Variants in ZSWIM9 observed in about 807,000 individuals in gnomAD.
The protein encoded by ZSWIM9 is uncharacterized protein ZSWIM9.
Under a neutral mutation model 25.0 loss-of-function variants are expected in ZSWIM9, and 11 were observed. The ratio of observed to expected loss-of-function variants is 0.44; its 90% CI spans 0.28 to 0.73. The LOEUF (loss-of-function observed/expected upper bound fraction) is 0.73, where lower values mean the gene tolerates loss of function less well. ZSWIM9 is among the 30% of genes least tolerant of loss of function. ZSWIM9 has a pLI of 0.16. For synonymous variants in ZSWIM9, 562 were observed against 582.1 expected, an observed-to-expected ratio of 0.97 and a Z score of 0.50; for missense variants, 1,070 against 1,296.5, an observed-to-expected ratio of 0.83 and a Z score of 2.68.
intron 2 of ZSWIM9, among the ~76,000 whole-genome samples, chr19:48,173,856 G>A (rs774812776): frequency 2.0e-5 from 3 of 152,096 alleles, no homozygotes; most frequent in African/African-American, 7.2e-5. Context: ...TTGAACTCCC[G>A]ACCTCAGGTG....
chr19:48,189,697 G>A (rs552474371), intron 3 of ZSWIM9: 1 of 154,402 alleles, frequency 6.5e-6, no homozygotes, highest in Non-Finnish European at 1.5e-5. Flanking sequence ...ATAAAATAGA[G>A]CAAATAAGAA....
chr19:48,176,992 T>G (rs145593860), intron 2 of ZSWIM9, among the ~76,000 whole-genome samples: 2,126 of 151,966 alleles, frequency 0.014, 148 homozygotes, highest in Admixed American at 0.11. Flanking sequence ...GGAGAATTGC[T>G]TGATCCTGGG....
chr19:48,197,081 A>G lies in ZSWIM9; in HGVS notation c.*254A>G, dbSNP rs1027499521. On this transcript the variant is annotated 3_prime_UTR_variant, in exon 4 of 4. Coordinates refer to ENST00000614654, the MANE Select transcript of ZSWIM9 (RefSeq NM_199341.4). ...GGATTCTGAGGGCTTCCCTCTGGAG[A>G]GGAAGCATGTGATGAGAGGTGTAGA... is the stretch of plus-strand genomic sequence containing the variant. 9 of 566,490 alleles carry G rather than the reference A, an allele frequency of 1.6e-5. No homozygotes were observed. Among genetic ancestry groups the G allele is most frequent in the Non-Finnish European group, 2.8e-5 (9 of 319,028 alleles). The allele number at this position is 566,490 out of a possible 1,614,324, so 35.1% of individuals were successfully genotyped here. A position where few individuals can be genotyped will look rare whatever the true frequency, so the allele number is the denominator to read the frequency against.
chr19:48,197,064 A>G lies in ZSWIM9; in HGVS notation c.*237A>G. ...GTGTTGATGGGCAGGGTGGATTCTG[A>G]GGGCTTCCCTCTGGAGAGGAAGCAT... On this transcript the variant is annotated 3_prime_UTR_variant, in exon 4 of 4. Coordinates refer to ENST00000614654, the MANE Select transcript of ZSWIM9 (RefSeq NM_199341.4). The G allele has an allele frequency of 1.8e-6, 1 of 545,500 alleles. No homozygotes were observed. Among genetic ancestry groups the G allele is most frequent in the South Asian group, 2.7e-5 (1 of 37,646 alleles). 33.8% of individuals were successfully genotyped at this position (545,500 alleles called of 1,614,324 possible). A position where few individuals can be genotyped will look rare whatever the true frequency, so the allele number is the denominator to read the frequency against.
chr19:48,179,774 A>G (rs11083918), intron 2 of ZSWIM9, among the ~76,000 whole-genome samples: 81,136 of 152,112 alleles, frequency 0.53, 21,875 homozygotes, highest in East Asian at 0.68. Context: ...GGCATCTGTA[A>G]GGTGGGATGA....
At chr19:48,176,914 A>G (rs1051012236) in intron 2 of ZSWIM9, among the ~76,000 whole-genome samples, 1 of 134,122 alleles carries the variant, frequency 7.5e-6, no homozygotes, top group Middle Eastern at 3.6e-3. Flanking sequence ...AATAAAAATT[A>G]AAAAAAAAAA....
Position 48,195,747 on chromosome 19 carries a change from G to C in ZSWIM9, c.1683G>C (p.Gly561=), listed in dbSNP as rs1331422037. The C allele has an allele frequency of 4.0e-6, 6 of 1,484,308 alleles. No homozygotes were observed. Among genetic ancestry groups the C allele is most frequent in the Non-Finnish European group, 5.3e-6 (6 of 1,125,266 alleles). 91.9% of individuals were successfully genotyped at this position (1,484,308 alleles called of 1,614,324 possible). ...GGCCAGAGATTAGAGACTGGAGGGG[G>C]CCCCAGTTGGAGGGTGAGAAAGATT... ...LRGPEIRDWR[G]PQLEGEKDWG... Residue 561 remains glycine (G), a synonymous_variant, in exon 4 of 4, where the codon GGG becomes GGC. Transcript: ENST00000614654. The surrounding 1 kb of genome is among the most constrained non-coding windows in gnomAD (Gnocchi z 5.8).
intron 2 of ZSWIM9, chr19:48,174,659 A>ATGT (rs2036874653): frequency 6.6e-6 from 1 of 152,264 alleles, no homozygotes; most frequent in African/African-American, 2.4e-5. Flanking sequence ...TGTGAAATAC[A>ATGT]TTCTTGCAAC....
chr19:48,182,815 G>A lies in ZSWIM9; in HGVS notation c.588+48G>A, dbSNP rs2007182. The A allele has an allele frequency of 0.13, 182,196 of 1,389,140 alleles. 13,374 individuals carry two copies. The highest frequency in any genetic ancestry group is 0.31 in the African/African-American group (21,695 of 69,908). 86.1% of individuals were successfully genotyped at this position (1,389,140 alleles called of 1,614,324 possible). On this transcript the variant is annotated intron_variant, in intron 3 of 3. Transcript: ENST00000614654. This position sits in a 1 kb window ranked among gnomAD's most constrained non-coding sequence, Gnocchi z 4.6. ...CCGGGGGAGGGGGCGGGGGAAAGCC[G>A]CGCTGAAGACTCGTGGGTCATTCAT...
Position 48,172,746 on chromosome 19 carries a change from C to T in ZSWIM9, c.275+669C>T, listed in dbSNP as rs146422665. Among the ~76,000 whole-genome samples the T allele has an allele frequency of 8.7e-3, 1,319 of 152,246 alleles. 15 individuals carry two copies. The highest frequency in any genetic ancestry group is 0.018 in the Admixed American group (269 of 15,290). The stretch of plus-strand genomic sequence containing the variant: ...GGCCAGGCTGGTCTCAAACTCATGA[C>T]CTCAGGTGATCTGCCCGTCTTGCCT... On this transcript the variant is annotated intron_variant, in intron 2 of 3. Transcript: ENST00000614654.
chr19:48,197,298 C>T lies in ZSWIM9; in HGVS notation c.*471C>T, dbSNP rs930036833. On this transcript the variant is annotated 3_prime_UTR_variant, in exon 4 of 4. Transcript: ENST00000614654. ...AGCGAGAAAAAATGGAAAGGGGAGC[C>T]GGAAATGGAGGAGAGAGGACAAGCA... 45 of 700,682 alleles carry T rather than the reference C, an allele frequency of 6.4e-5. No individual in the cohort carries two copies. The highest frequency in any genetic ancestry group is 6.2e-4 in the East Asian group (23 of 37,140). The allele number at this position is 700,682 out of a possible 1,614,324, so 43.4% of individuals were successfully genotyped here.
At chr19:48,191,143 G>A (rs981047584) in intron 3 of ZSWIM9, among the ~76,000 whole-genome samples, 1 of 151,304 alleles carries the variant, frequency 6.6e-6, no homozygotes, top group African/African-American at 2.4e-5. Flanking sequence ...GGGTAGAACC[G>A]TGCCCAGAAG....
chr19:48,194,478 T>A lies in ZSWIM9; in HGVS notation c.589-175T>A, dbSNP rs917363253. Among the ~76,000 whole-genome samples the A allele has an allele frequency of 6.6e-6, 1 of 152,154 alleles. No homozygotes were observed. Among genetic ancestry groups the A allele is most frequent in the African/African-American group, 2.4e-5 (1 of 41,428 alleles). On this transcript the variant is annotated intron_variant, in intron 3 of 3. Coordinates refer to ENST00000614654, the MANE Select transcript of ZSWIM9 (RefSeq NM_199341.4). This position sits in a 1 kb window ranked among gnomAD's most constrained non-coding sequence, Gnocchi z 6.0. ...ACCCAGGCAATCCGGCTCCAGAGTG[T>A]TTTTAACCATTTCCCTGCACTGCCT...
chr19:48,196,626 C>T lies in ZSWIM9; in HGVS notation c.2562C>T (p.His854=), dbSNP rs2037169793. Reference sequence around the variant, plus strand: ...GGCAGCATGGGACCCGGGGTTTCCACTGGACCGGAGCTGGCTTTGCCCTTA... The same window carrying T: ...GGCAGCATGGGACCCGGGGTTTCCATTGGACCGGAGCTGGCTTTGCCCTTA... ...FARQHGTRGF[H]WTGAGFALKD... is the part of the protein sequence containing the mutation. Residue 854 remains histidine (H), a synonymous_variant, in exon 4 of 4, where the codon CAC becomes CAT. Transcript: ENST00000614654. The T allele has an allele frequency of 1.6e-6, 2 of 1,232,426 alleles. No individual in the cohort carries two copies. The highest frequency in any genetic ancestry group is 1.6e-5 in the African/African-American group (1 of 64,418). The allele number at this position is 1,232,426 out of a possible 1,614,324, so 76.3% of individuals were successfully genotyped here.
At chr19:48,181,475 G>C (rs1398638951) in intron 2 of ZSWIM9, 1 of 152,154 alleles carries the variant, frequency 6.6e-6, no homozygotes, top group Non-Finnish European at 1.5e-5. Context: ...TTTATTTTAG[G>C]AATATACCAC....
chr19:48,192,026 T>G (rs375172439), intron 3 of ZSWIM9: 1 of 154,700 alleles, frequency 6.5e-6, no homozygotes, highest in Non-Finnish European at 1.5e-5. Context: ...CTTACAGGGA[T>G]ATTGTAAGGA....
At chr19:48,192,659 G>T (rs1163493843) in intron 3 of ZSWIM9, among the ~76,000 whole-genome samples, 1 of 150,338 alleles carries the variant, frequency 6.7e-6, no homozygotes. Flanking sequence ...GCTTGTTAGC[G>T]CAGTGGCCTT....
At chr19:48,191,361 C>T (rs1282855425) in intron 3 of ZSWIM9, among the ~76,000 whole-genome samples, 37 of 152,116 alleles carry the variant, frequency 2.4e-4, no homozygotes, top group African/African-American at 2.4e-5. Context: ...CGCACCACCA[C>T]GCCCAGCTAA....
Position 48,172,338 on chromosome 19 carries a change from A to G in ZSWIM9, c.275+261A>G, listed in dbSNP as rs1333692170. ...TACAGACTTTTTTTTTTTTTTCGAG[A>G]TGGAGTCTCGCTCTGTCGCCCAGGC... On this transcript the variant is annotated intron_variant, in intron 2 of 3. Transcript: ENST00000614654. 8.1e-5 allele frequency among the ~76,000 whole-genome samples: 12 copies of G among 148,386 alleles called. No homozygotes were observed. The South Asian group carries it at 2.6e-3, about 32-fold the overall frequency.
Sources: allele counts gnomAD v4.1 joint callset (sites outside exome capture counted in the v4.1 genomes callset), GRCh38; gene constraint gnomAD v4.1.1; non-coding constraint Gnocchi (gnomAD v3.1); transcripts MANE v1.5; gene names NCBI Gene and HGNC (gene_info 2026-07-23, HGNC 2026-07-21).